Variants in PDE8B observed in about 807,000 individuals in gnomAD.
PDE8B encodes the protein high affinity cAMP-specific and IBMX-insensitive 3',5'-cyclic phosphodiesterase 8B.
A neutral mutation model predicts 101.3 loss-of-function variants in PDE8B; 26 were observed. The observed-to-expected ratio is 0.26, with a 90% CI of 0.19 to 0.36. PDE8B has a LOEUF of 0.36. PDE8B is among the 10% of genes least tolerant of loss of function. PDE8B has a pLI of 1.00. For missense variants in PDE8B, 810 were observed against 1,163.1 expected (o/e 0.70, Z 4.42); for synonymous variants, 424 against 429.3 (o/e 0.99, Z 0.15).
chr5:77,129,649 G>A, the PDE8B span, among the ~76,000 whole-genome samples: 1 of 152,332 alleles, frequency 6.6e-6, no homozygotes, highest in Non-Finnish European at 1.5e-5. Flanking sequence ...GCTGTGGATT[G>A]GCCCTGATAC....
intron 1 of PDE8B, among the ~76,000 whole-genome samples, chr5:77,288,101 G>A (rs889270458): frequency 4.6e-5 from 7 of 152,198 alleles, no homozygotes; most frequent in Non-Finnish European, 1.0e-4. Context: ...GGGGACAGGC[G>A]ATAATAACTC....
chr5:77,247,796 T>C (rs897209617), intron 1 of PDE8B, among the ~76,000 whole-genome samples: 3 of 152,180 alleles, frequency 2.0e-5, no homozygotes, highest in Non-Finnish European at 4.4e-5. Flanking sequence ...GTGGAAATCA[T>C]GTCCTAGTAT....
At chr5:77,151,897 C>T in the PDE8B span, 1 of 152,182 alleles carries the variant, frequency 6.6e-6, no homozygotes, top group Non-Finnish European at 1.5e-5. Flanking sequence ...TCTAGTTTCT[C>T]TTGAAAATTA....
At chr5:77,289,689 G>A (rs926019323) in intron 1 of PDE8B, among the ~76,000 whole-genome samples, 5 of 152,212 alleles carry the variant, frequency 3.3e-5, no homozygotes, top group Admixed American at 3.3e-4. Flanking sequence ...CCCCTTGGGA[G>A]CCTTACAATT....
chr5:77,292,919 G>C (rs1767699771), intron 1 of PDE8B, among the ~76,000 whole-genome samples: 1 of 151,768 alleles, frequency 6.6e-6, no homozygotes, highest in Non-Finnish European at 1.5e-5. Flanking sequence ...AAGGCTTCCG[G>C]GCCCTTGAAT....
intron 2 of PDE8B, among the ~76,000 whole-genome samples, chr5:77,313,461 G>C (rs956679744): frequency 1.9e-4 from 29 of 152,086 alleles, no homozygotes; most frequent in African/African-American, 5.6e-4. Context: ...CTCCAATTTT[G>C]AATAAAGGCA....
At chr5:77,284,308 C>T (rs1157235455) in intron 1 of PDE8B, among the ~76,000 whole-genome samples, 1 of 152,124 alleles carries the variant, frequency 6.6e-6, no homozygotes, top group African/African-American at 2.4e-5. Flanking sequence ...TTTTGCAGAG[C>T]AGAAATTTTT....
chr5:77,129,241 T>C, the PDE8B span, among the ~76,000 whole-genome samples: 1 of 152,140 alleles, frequency 6.6e-6, no homozygotes, highest in East Asian at 1.9e-4. Context: ...TCTAGTTGTT[T>C]TAAAAAGTTA....
chr5:77,270,987 G>A (rs1762661909), intron 1 of PDE8B, among the ~76,000 whole-genome samples: 1 of 152,166 alleles, frequency 6.6e-6, no homozygotes, highest in Admixed American at 6.5e-5. Context: ...AGCTCTGGGG[G>A]TAACCCCATT....
At chr5:77,155,862 C>G in the PDE8B span, among the ~76,000 whole-genome samples, 1 of 152,130 alleles carries the variant, frequency 6.6e-6, no homozygotes, top group East Asian at 1.9e-4. Flanking sequence ...ATAAGAAAAA[C>G]AAAAGCCAGG....
intron 1 of PDE8B, among the ~76,000 whole-genome samples, chr5:77,250,313 A>G (rs769560416): frequency 6.6e-6 from 1 of 152,222 alleles, no homozygotes; most frequent in Non-Finnish European, 1.5e-5. Flanking sequence ...AAACAAGATC[A>G]GATGACTCAG....
At chr5:77,137,101 A>C in the PDE8B span, among the ~76,000 whole-genome samples, 7 of 152,146 alleles carry the variant, frequency 4.6e-5, no homozygotes, top group African/African-American at 1.7e-4. Flanking sequence ...AGAGTCCTCT[A>C]GTTGCTTTTT....
chr5:77,357,020 C>G lies in PDE8B; in HGVS notation c.1167+3614C>G, dbSNP rs116207971. ...TTCCCAGGCCCCTAGGAGGCTTTTA[C>G]CCTCACTAGAGGACATTCTGATGGG... On this transcript the variant is annotated intron_variant, in intron 10 of 21. Transcript: ENST00000264917. Among the ~76,000 whole-genome samples the G allele has an allele frequency of 5.1e-3, 777 of 152,298 alleles. 4 individuals are homozygous for G. Among genetic ancestry groups the G allele is most frequent in the South Asian group, 0.021 (101 of 4,820 alleles).
chr5:77,379,844 A>ACT (rs1787116954), intron 10 of PDE8B, among the ~76,000 whole-genome samples: 1 of 152,092 alleles, frequency 6.6e-6, no homozygotes, highest in Admixed American at 6.5e-5. Flanking sequence ...GTACTATACC[A>ACT]CTCACACTGT....
At chr5:77,189,105 C>T in the PDE8B span, among the ~76,000 whole-genome samples, 27 of 152,194 alleles carry the variant, frequency 1.8e-4, no homozygotes, top group Admixed American at 1.1e-3. Flanking sequence ...GTCATTCACA[C>T]CCCCTCTTCC....
intron 1 of PDE8B, among the ~76,000 whole-genome samples, chr5:77,252,509 C>T (rs560749014): frequency 6.6e-6 from 1 of 152,222 alleles, no homozygotes; most frequent in South Asian, 2.1e-4. Flanking sequence ...TTATTGGGCA[C>T]GTTGGTCCTA....
At chr5:77,351,199 A>G (rs371604915) in intron 9 of PDE8B, 46 bp downstream of exon 9, 15 of 1,393,706 alleles carry the variant, frequency 1.1e-5, no homozygotes, top group Non-Finnish European at 1.4e-5. Flanking sequence ...TAAAGACTCA[A>G]GGCCCTCATG....
At chr5:77,161,488 A>G in the PDE8B span, among the ~76,000 whole-genome samples, 16 of 152,156 alleles carry the variant, frequency 1.1e-4, no homozygotes, top group Admixed American at 2.6e-4. Flanking sequence ...ATTTGATTTG[A>G]TTATCCATTC....
At chr5:77,303,069 T>C (rs935719596) in intron 1 of PDE8B, among the ~76,000 whole-genome samples, 1 of 152,214 alleles carries the variant, frequency 6.6e-6, no homozygotes, top group Non-Finnish European at 1.5e-5. Context: ...ATAAAAAGCA[T>C]GTGTAGAATA....
Sources: gnomAD v4.1 joint callset for allele counts (sites outside exome capture counted in the v4.1 genomes callset) on GRCh38, gnomAD v4.1.1 for gene constraint, MANE v1.5 for transcripts, NCBI Gene and HGNC (gene_info 2026-07-23, HGNC 2026-07-21) for gene names.